The following RUNX2 variants were observed in gnomAD, a reference collection of about 807,000 sequenced individuals.
The protein encoded by RUNX2 is RUNX family transcription factor 2.
RUNX2 carries 10 observed loss-of-function variants against 51.7 expected under a neutral mutation model. The ratio of observed to expected loss-of-function variants is 0.19; its 90% CI spans 0.12 to 0.33. The LOEUF is 0.33. Among genes scored for constraint, RUNX2 ranks in the 10% least tolerant of loss-of-function variants. The pLI, the probability that RUNX2 is intolerant of heterozygous loss-of-function variation, is 1.00. For synonymous variants in RUNX2, 276 were observed against 273.6 expected, an observed-to-expected ratio of 1.01 and a Z score of -0.09; for missense variants, 562 against 691.3, an observed-to-expected ratio of 0.81 and a Z score of 2.10.
Position 45,549,205 on chromosome 6 carries a change from C to T in RUNX2, c.*1900C>T, listed in dbSNP as rs1241127681. 5.0e-6 allele frequency: 2 copies of T among 398,464 alleles called. No homozygotes were observed. Among genetic ancestry groups the T allele is most frequent in the Non-Finnish European group, 8.8e-6 (2 of 226,070 alleles). 24.7% of individuals were successfully genotyped at this position (398,464 alleles called of 1,614,324 possible). ...CACCACCAGGCCAATCCCTGCTCTC[C>T]TCCCCGAAAAGTCAGGGTCCCTTCA... On this transcript the variant is annotated 3_prime_UTR_variant, in exon 9 of 9. Coordinates refer to ENST00000647337, the MANE Select transcript of RUNX2 (RefSeq NM_001024630.4).
chr6:45,435,303 C>T (rs563432735), intron 4 of RUNX2, among the ~76,000 whole-genome samples: 47 of 152,310 alleles, frequency 3.1e-4, no homozygotes, highest in Admixed American at 1.2e-3. Flanking sequence ...TTGTAAAGGT[C>T]TCAAGTAGAA....
intron 3 of RUNX2, among the ~76,000 whole-genome samples, chr6:45,427,715 A>G (rs1467760141): frequency 5.9e-5 from 9 of 152,140 alleles, no homozygotes; most frequent in Non-Finnish European, 1.0e-4. Flanking sequence ...TTAAGACTAG[A>G]CTTCTGTCCA....
intron 5 of RUNX2, among the ~76,000 whole-genome samples, chr6:45,454,205 C>T (rs1799256076): frequency 6.6e-6 from 1 of 152,194 alleles, no homozygotes; most frequent in African/African-American, 2.4e-5. Flanking sequence ...GACATACCAG[C>T]CCCAACCACT....
intron 5 of RUNX2, among the ~76,000 whole-genome samples, chr6:45,473,671 G>A (rs1263794052): frequency 6.6e-6 from 1 of 152,232 alleles, no homozygotes; most frequent in Non-Finnish European, 1.5e-5. Context: ...AAGTAATAGA[G>A]TGAAATTGTC....
At chr6:45,354,630 TACACACACAC>T (rs35189031) in intron 2 of RUNX2, among the ~76,000 whole-genome samples, 2 of 149,812 alleles carry the variant, frequency 1.3e-5, no homozygotes, top group African/African-American at 4.9e-5. Context: ...CACGCACACA[TACACACACAC>T]ACACACACAC....
chr6:45,489,173 G>A (rs901896430), intron 5 of RUNX2, among the ~76,000 whole-genome samples: 2 of 152,148 alleles, frequency 1.3e-5, no homozygotes, highest in South Asian at 2.1e-4. Context: ...AAATGCGTAT[G>A]TTTTTGTATG....
At chr6:45,359,288 T>C (rs1793817065) in intron 2 of RUNX2, among the ~76,000 whole-genome samples, 1 of 152,158 alleles carries the variant, frequency 6.6e-6, no homozygotes, top group Admixed American at 6.5e-5. Context: ...AGACTTTCCA[T>C]TATGCAGTGT....
chr6:45,546,177 A>G (rs1358153141), intron 8 of RUNX2, among the ~76,000 whole-genome samples: 3 of 151,558 alleles, frequency 2.0e-5, no homozygotes, highest in African/African-American at 7.3e-5. Context: ...CATTTTCAAA[A>G]CCGACTGATC....
Position 45,550,195 on chromosome 6 carries a change from A to G in RUNX2, c.*2890A>G, listed in dbSNP as rs886061508. On this transcript the variant is annotated 3_prime_UTR_variant, in exon 9 of 9. Transcript: ENST00000647337. ...GTCTTTTCAATGCAGCCACATTTTT[A>G]TCCATTTCAGTTGTCTCACAAATTT... 1.3e-5 allele frequency: 2 copies of G among 152,602 alleles called. No homozygotes were observed. The highest frequency in any genetic ancestry group is 2.4e-5 in the African/African-American group (1 of 41,446). 9.5% of individuals were successfully genotyped at this position (152,602 alleles called of 1,614,324 possible).
chr6:45,402,730 G>A (rs1457935451), intron 2 of RUNX2, among the ~76,000 whole-genome samples: 1 of 151,970 alleles, frequency 6.6e-6, no homozygotes, highest in East Asian at 1.9e-4. Flanking sequence ...AAATTAGCCG[G>A]GCATGGTGAC....
At chr6:45,423,732 G>T (rs1798303544) in intron 3 of RUNX2, among the ~76,000 whole-genome samples, 1 of 152,190 alleles carries the variant, frequency 6.6e-6, no homozygotes, top group Admixed American at 6.5e-5. Flanking sequence ...GCTGACCCGC[G>T]CCAGATCCCG....
chr6:45,433,490 CT>C (rs141292854), intron 4 of RUNX2, among the ~76,000 whole-genome samples: 25,594 of 147,926 alleles, frequency 0.17, 2,627 homozygotes, highest in Non-Finnish European at 0.25. Flanking sequence ...TGTAATAATA[CT>C]TTTTTTTTTT....
Position 45,433,878 on chromosome 6 carries a change from A to G in RUNX2, c.580+1859A>G, listed in dbSNP as rs12524693. Among the ~76,000 whole-genome samples the G allele has an allele frequency of 3.1e-3, 479 of 152,348 alleles. 12 individuals carry two copies. The highest frequency in any genetic ancestry group is 0.028 in the Admixed American group (433 of 15,298). ...TGATGAAGTGTAATTATGTCCAAAC[A>G]GAGCTGACCCCCTCCCCCTATATTT... On this transcript the variant is annotated intron_variant, in intron 4 of 8. Transcript: ENST00000647337.
intron 6 of RUNX2, among the ~76,000 whole-genome samples, chr6:45,509,991 G>A (rs1346850954): frequency 1.3e-5 from 2 of 152,172 alleles, no homozygotes; most frequent in Admixed American, 1.3e-4. Flanking sequence ...TTTTGAAAAT[G>A]TTGCTTGAGA....
chr6:45,465,499 T>A (rs1427633681), intron 5 of RUNX2, among the ~76,000 whole-genome samples: 1 of 152,052 alleles, frequency 6.6e-6, no homozygotes, highest in Non-Finnish European at 1.5e-5. Flanking sequence ...AAGTATAAAC[T>A]TTTCAGTTAA....
chr6:45,510,839 C>T (rs568307916), intron 6 of RUNX2, among the ~76,000 whole-genome samples: 1 of 151,808 alleles, frequency 6.6e-6, no homozygotes, highest in South Asian at 2.1e-4. Flanking sequence ...TTTTCATATC[C>T]TTATGATTCA....
At chr6:45,447,555 G>C (rs1430074585) in intron 5 of RUNX2, among the ~76,000 whole-genome samples, 1 of 152,066 alleles carries the variant, frequency 6.6e-6, no homozygotes, top group Non-Finnish European at 1.5e-5. Flanking sequence ...AATTAATCAT[G>C]ATCTCTGTCC....
At chr6:45,482,204 T>A (rs1025319532) in intron 5 of RUNX2, among the ~76,000 whole-genome samples, 6 of 152,358 alleles carry the variant, frequency 3.9e-5, no homozygotes, top group East Asian at 3.9e-4. Flanking sequence ...TTTTAAAAAA[T>A]TTTTTAATCC....
chr6:45,455,619 A>C (rs2150382849), intron 5 of RUNX2, among the ~76,000 whole-genome samples: 1 of 152,290 alleles, frequency 6.6e-6, no homozygotes, highest in South Asian at 2.1e-4. Context: ...AAAGGTCCAT[A>C]AAGGGCTTAA....
Sources: allele counts gnomAD v4.1 joint callset (sites outside exome capture counted in the v4.1 genomes callset), GRCh38; gene constraint gnomAD v4.1.1; transcripts MANE v1.5; gene names NCBI Gene and HGNC (gene_info 2026-07-23, HGNC 2026-07-21).